PCNP: variants seen among roughly 807,000 people sequenced by gnomAD.
The protein encoded by PCNP is PEST proteolytic signal-containing nuclear protein.
Under a neutral mutation model 21.8 loss-of-function variants are expected in PCNP, and 6 were observed. That is an observed-to-expected ratio of 0.28 (90% CI 0.15 to 0.54). The LOEUF (loss-of-function observed/expected upper bound fraction) is 0.54, where lower values mean the gene tolerates loss of function less well. PCNP is among the 20% of genes least tolerant of loss of function. PCNP has a pLI of 0.95. For synonymous variants in PCNP, 67 were observed against 73.2 expected, an observed-to-expected ratio of 0.92 and a Z score of 0.43; for missense variants, 161 against 215.5, an observed-to-expected ratio of 0.75 and a Z score of 1.58.
intron 1 of PCNP, among the ~76,000 whole-genome samples, chr3:101,574,666 A>C (rs17345381): frequency 3.2e-4 from 48 of 152,092 alleles, no homozygotes; most frequent in South Asian, 8.3e-4. Flanking sequence ...ATGAGACATA[A>C]CATACACACA....
chr3:101,574,099 C>T (rs1934718462), upstream of PCNP: 20 of 1,413,702 alleles, frequency 1.4e-5, no homozygotes, highest in South Asian at 3.1e-4. Flanking sequence ...GGCCTCTTTT[C>T]ATTCCTCGGG....
At chr3:101,577,112 A>G (rs907949394) in intron 1 of PCNP, among the ~76,000 whole-genome samples, 29 of 152,254 alleles carry the variant, frequency 1.9e-4, no homozygotes, top group African/African-American at 6.5e-4. Flanking sequence ...GGCGTCAGCC[A>G]CCGCGCCCGG....
chr3:101,587,382 T>C (rs886133398), intron 3 of PCNP, among the ~76,000 whole-genome samples: 3 of 152,122 alleles, frequency 2.0e-5, no homozygotes, highest in African/African-American at 7.2e-5. Flanking sequence ...AAATATTTAA[T>C]GATTGGAGCC....
chr3:101,592,666 A>G lies in PCNP; in HGVS notation c.450A>G (p.Lys150=), dbSNP rs142480030. The G allele has an allele frequency of 8.3e-4, 1,343 of 1,612,524 alleles. 3 individuals are homozygous for G. The highest frequency in any genetic ancestry group is 1.6e-3 in the Admixed American group (96 of 59,822). Residue 150 remains lysine, a synonymous_variant, in exon 5 of 5, where the codon AAA becomes AAG. Transcript: ENST00000265260. ...PTSAGPNSFN[K]GKHGFSDNQK... is the part of the protein sequence containing the mutation. ...CAGCTGGACCAAACTCCTTCAATAA[A>G]GGAAAGCATGGGTTTTCTGATAACC...
intron 2 of PCNP, 71 bp downstream of exon 2, chr3:101,580,075 T>C (rs1211431343): frequency 1.9e-6 from 2 of 1,062,092 alleles, no homozygotes; most frequent in Non-Finnish European, 2.9e-6. Context: ...TGGCGTTTAC[T>C]AGGTTATGGT....
chr3:101,574,440 T>G (rs2108267174), intron 1 of PCNP, among the ~76,000 whole-genome samples, 161 bp downstream of exon 1: 1 of 152,222 alleles, frequency 6.6e-6, no homozygotes, highest in East Asian at 1.9e-4. Flanking sequence ...GATGCGGCCC[T>G]CTGGGCTCCG....
At chr3:101,576,567 C>A in intron 1 of PCNP, 1 of 1,610,982 alleles carries the variant, frequency 6.2e-7, no homozygotes, top group South Asian at 1.1e-5. Flanking sequence ...CACGAAGGCC[C>A]CAGAAGTGAC....
intron 4 of PCNP, among the ~76,000 whole-genome samples, chr3:101,591,876 A>G (rs1289522236): frequency 3.4e-5 from 5 of 147,088 alleles, no homozygotes; most frequent in South Asian, 2.2e-4. Context: ...GGCTCAGGCA[A>G]TCCTCCCACC....
chr3:101,579,426 A>G (rs956077049), intron 1 of PCNP, among the ~76,000 whole-genome samples: 1 of 152,244 alleles, frequency 6.6e-6, no homozygotes, highest in African/African-American at 2.4e-5. Context: ...CCAATTGCTC[A>G]CAAACTACTA....
chr3:101,590,468 T>C (rs1935747647), intron 4 of PCNP, among the ~76,000 whole-genome samples, 198 bp downstream of exon 4: 1 of 152,226 alleles, frequency 6.6e-6, no homozygotes, highest in African/African-American at 2.4e-5. Context: ...TGAAGAAAGA[T>C]AACTAATTAT....
intron 2 of PCNP, among the ~76,000 whole-genome samples, chr3:101,581,424 ATATT>A (rs1209718103): frequency 2.7e-5 from 4 of 150,852 alleles, no homozygotes. Context: ...TTATTTATTT[ATATT>A]TATTTATTTA....
chr3:101,577,384 T>C (rs935675098), intron 1 of PCNP, among the ~76,000 whole-genome samples: 2 of 152,104 alleles, frequency 1.3e-5, no homozygotes, highest in African/African-American at 4.8e-5. Flanking sequence ...ACTAGTAGGG[T>C]CTTGAATACC....
intron 2 of PCNP, among the ~76,000 whole-genome samples, chr3:101,583,817 ATTTTTTT>A (rs564200727): frequency 1.2e-4 from 13 of 104,068 alleles, no homozygotes; most frequent in African/African-American, 4.6e-4. Flanking sequence ...TATCCAGCTA[ATTTTTTT>A]TTTTTTTTTT....
At chr3:101,590,303 A>T (rs1333378069) in intron 4 of PCNP, 33 bp downstream of exon 4, 10 of 1,114,784 alleles carry the variant, frequency 9.0e-6, no homozygotes, top group Non-Finnish European at 1.1e-5. Context: ...TTATAGAAAG[A>T]TACAAAGGTG....
rs59827485 is a variant in PCNP, at chr3:101,586,601, CAG to C, written c.354+1109_354+1110del. ...GAGAGAGAGAGAGAGTTTCTTGTTTCAGAGAGAGAGAGAGAGAGAGTGTGTCT... is the reference window on the plus strand; with the variant it reads ...GAGAGAGAGAGAGAGTTTCTTGTTTCAGAGAGAGAGAGAGAGAGTGTGTCT... On this transcript the variant is annotated intron_variant, in intron 3 of 4. Coordinates refer to ENST00000265260, the MANE Select transcript of PCNP (RefSeq NM_020357.3). Among the ~76,000 whole-genome samples the C allele has an allele frequency of 5.2e-3, 689 of 133,054 alleles. 6 individuals are homozygous for C. Among genetic ancestry groups the C allele is most frequent in the Non-Finnish European group, 5.1e-3 (311 of 61,174 alleles). 87.3% of individuals were successfully genotyped at this position (133,054 alleles called of 152,430 possible). A position where few individuals can be genotyped will look rare whatever the true frequency, so the allele number is the denominator to read the frequency against.
intron 1 of PCNP, among the ~76,000 whole-genome samples, chr3:101,577,162 G>A (rs1217297706): frequency 6.6e-6 from 1 of 152,162 alleles, no homozygotes; most frequent in African/African-American, 2.4e-5. Flanking sequence ...CTACTTATTT[G>A]AACTACCTGC....
At chr3:101,576,219 G>GTT (rs36064906) in intron 1 of PCNP, among the ~76,000 whole-genome samples, 24 of 141,680 alleles carry the variant, frequency 1.7e-4, no homozygotes, top group Non-Finnish European at 2.8e-4. Flanking sequence ...GGAAGTATAA[G>GTT]TTTTTTTTTT....
chr3:101,574,401 T>C (rs1934743524), intron 1 of PCNP, 122 bp downstream of exon 1: 2 of 1,271,128 alleles, frequency 1.6e-6, no homozygotes, highest in Non-Finnish European at 2.1e-6. Flanking sequence ...CGGCCAGGTG[T>C]TGGGCCCAGA....
intron 1 of PCNP, chr3:101,576,768 A>G (rs1376797818): frequency 1.4e-5 from 23 of 1,611,628 alleles, no homozygotes; most frequent in Non-Finnish European, 1.9e-5. Flanking sequence ...CCTCATCATC[A>G]GTGAGTTCTC....
Sources: allele counts gnomAD v4.1 joint callset (sites outside exome capture counted in the v4.1 genomes callset), GRCh38; gene constraint gnomAD v4.1.1; transcripts MANE v1.5; gene names NCBI Gene and HGNC (gene_info 2026-07-23, HGNC 2026-07-21).